VTI1A: variants seen among roughly 807,000 people sequenced by gnomAD.
VTI1A encodes the protein vesicle transport through interaction with t-SNAREs 1A, also known as vesicle transport through interaction with t-SNAREs homolog 1A.
Under a neutral mutation model 34.9 loss-of-function variants are expected in VTI1A, and 22 were observed. That is an observed-to-expected ratio of 0.63 (90% CI 0.45 to 0.90). The LOEUF (loss-of-function observed/expected upper bound fraction) is 0.90, where lower values mean the gene tolerates loss of function less well. Among genes scored for constraint, VTI1A ranks in the 40% least tolerant of loss-of-function variants. The pLI, the probability that VTI1A is intolerant of heterozygous loss-of-function variation, is 0.00. For missense variants in VTI1A, 268 were observed against 275.6 expected, an observed-to-expected ratio of 0.97 and a Z score of 0.20; for synonymous variants, 87 against 97.3, an observed-to-expected ratio of 0.89 and a Z score of 0.62.
chr10:112,632,007 A>ATAATTG (rs1182209397), intron 5 of VTI1A, among the ~76,000 whole-genome samples: 6 of 152,242 alleles, frequency 3.9e-5, no homozygotes, highest in Admixed American at 2.0e-4. Flanking sequence ...TTATAACAAT[A>ATAATTG]TAATTGTAAT....
rs143886504 is a variant in VTI1A at position 112,767,779 on chromosome 10, T to C, written c.561-47511T>C. Among the ~76,000 whole-genome samples the C allele has an allele frequency of 6.6e-6, 1 of 152,264 alleles. No homozygotes were observed. The highest frequency in any genetic ancestry group is 2.4e-5 in the African/African-American group (1 of 41,554). On this transcript the variant is annotated intron_variant, in intron 7 of 7. Transcript: ENST00000393077. This position sits in a 1 kb window ranked among gnomAD's most constrained non-coding sequence, Gnocchi z 4.0. ...ATTGTTTGAAGACCAATGGGACATG[T>C]AACTAACTTATTTTAAACACAAACT...
chr10:112,471,880 A>G (rs1015903371), intron 3 of VTI1A, among the ~76,000 whole-genome samples: 1 of 152,186 alleles, frequency 6.6e-6, no homozygotes, highest in African/African-American at 2.4e-5. Flanking sequence ...AAATTTTAAA[A>G]CCCTAAATTT....
intron 7 of VTI1A, among the ~76,000 whole-genome samples, chr10:112,704,046 G>T (rs1404154626): frequency 6.6e-6 from 1 of 152,014 alleles, no homozygotes; most frequent in Non-Finnish European, 1.5e-5. Context: ...CTTTTAATTT[G>T]TTATATCCCA....
At chr10:112,805,904 G>A (rs971167183) in intron 7 of VTI1A, among the ~76,000 whole-genome samples, 8 of 152,184 alleles carry the variant, frequency 5.3e-5, no homozygotes, top group South Asian at 4.1e-4. Context: ...TGTTGAAGCC[G>A]CCCAGTCTGT....
intron 5 of VTI1A, among the ~76,000 whole-genome samples, chr10:112,654,649 C>A (rs991776798): frequency 6.6e-5 from 10 of 152,120 alleles, no homozygotes; most frequent in African/African-American, 2.4e-4. Context: ...CCCACCACCA[C>A]ACCCGGCTAA....
intron 7 of VTI1A, among the ~76,000 whole-genome samples, chr10:112,798,197 T>C (rs941824): frequency 1 from 152,249 of 152,300 alleles, 76,099 homozygotes; most frequent in Middle Eastern, 1. Flanking sequence ...CAGGGGGCTC[T>C]GCTGCTCCAG....
chr10:112,561,879 A>G (rs1419883586), intron 5 of VTI1A, among the ~76,000 whole-genome samples: 2 of 152,178 alleles, frequency 1.3e-5, no homozygotes, highest in Non-Finnish European at 2.9e-5. Flanking sequence ...GTTTTTTATA[A>G]ATAAAGAAAT....
intron 7 of VTI1A, among the ~76,000 whole-genome samples, chr10:112,765,454 C>T (rs1291465106): frequency 6.6e-6 from 1 of 152,208 alleles, no homozygotes. Flanking sequence ...AAGTGATCTG[C>T]CCACCTCGGC....
At chr10:112,520,432 A>G (rs1349076310) in intron 3 of VTI1A, among the ~76,000 whole-genome samples, 1 of 152,054 alleles carries the variant, frequency 6.6e-6, no homozygotes, top group African/African-American at 2.4e-5. Context: ...TACAGGCTAA[A>G]GTTTAGAAAT....
At chr10:112,690,385 T>TGA (rs1250778798) in intron 7 of VTI1A, among the ~76,000 whole-genome samples, 1 of 152,240 alleles carries the variant, frequency 6.6e-6, no homozygotes, top group Non-Finnish European at 1.5e-5. Context: ...TAAACATGGA[T>TGA]GAGAGTTCCG....
rs1186149071 is a variant in VTI1A, at chr10:112,545,091, C to G, written c.427+6761C>G. 2.6e-5 allele frequency among the ~76,000 whole-genome samples: 4 copies of G among 152,300 alleles called. No individual in the cohort carries two copies. In the East Asian group the frequency reaches 5.8e-4, roughly 22 times the overall value. On this transcript the variant is annotated intron_variant, in intron 5 of 7. Coordinates refer to ENST00000393077, the MANE Select transcript of VTI1A (RefSeq NM_145206.4). ...TATTATAGTAATCCAAGATTTGGTC[C>G]TTTTACCAACTGAAATTGCCAACAG... is the stretch of plus-strand genomic sequence containing the variant.
At chr10:112,529,497 A>G (rs531965232) in intron 4 of VTI1A, among the ~76,000 whole-genome samples, 2 of 152,294 alleles carry the variant, frequency 1.3e-5, no homozygotes, top group East Asian at 3.9e-4. Context: ...ATTTGGCTCT[A>G]TACTAATCTT....
At chr10:112,489,473 C>T (rs1848750949) in intron 3 of VTI1A, among the ~76,000 whole-genome samples, 1 of 152,060 alleles carries the variant, frequency 6.6e-6, no homozygotes, top group African/African-American at 2.4e-5. Flanking sequence ...CAGAACTGCT[C>T]TTTGGGGAAA....
chr10:112,576,181 C>T (rs1015236671), intron 5 of VTI1A, among the ~76,000 whole-genome samples: 3 of 152,026 alleles, frequency 2.0e-5, no homozygotes, highest in South Asian at 2.1e-4. Flanking sequence ...CCACCGCGCC[C>T]GGCTAATTTT....
intron 5 of VTI1A, among the ~76,000 whole-genome samples, chr10:112,654,518 CGAGTCT>C (rs1847155403): frequency 6.6e-6 from 1 of 151,716 alleles, no homozygotes; most frequent in African/African-American, 2.4e-5. Flanking sequence ...TTTTTGAGAC[CGAGTCT>C]AACTGTCACC....
chr10:112,757,685 C>T (rs2134002637), intron 7 of VTI1A, among the ~76,000 whole-genome samples: 1 of 152,222 alleles, frequency 6.6e-6, no homozygotes, highest in South Asian at 2.1e-4. Flanking sequence ...TGCGCCTGAC[C>T]TGTTGCTTTG....
At chr10:112,616,862 A>G (rs1164661672) in intron 5 of VTI1A, among the ~76,000 whole-genome samples, 1 of 152,206 alleles carries the variant, frequency 6.6e-6, no homozygotes, top group Admixed American at 6.5e-5. Flanking sequence ...TGCAGAATGC[A>G]ACAGAGAGAG....
At chr10:112,600,375 C>T (rs990687253) in intron 5 of VTI1A, among the ~76,000 whole-genome samples, 2 of 152,190 alleles carry the variant, frequency 1.3e-5, no homozygotes, top group African/African-American at 4.8e-5. Flanking sequence ...TCGTCTTTAA[C>T]GTGGTCCACA....
intron 7 of VTI1A, among the ~76,000 whole-genome samples, chr10:112,809,555 T>C (rs1339343393): frequency 6.6e-6 from 1 of 152,206 alleles, no homozygotes; most frequent in African/African-American, 2.4e-5. Context: ...ACTCTCCAGC[T>C]AATGAACACA....
Sources: allele counts gnomAD v4.1 joint callset (sites outside exome capture counted in the v4.1 genomes callset), GRCh38; gene constraint gnomAD v4.1.1; non-coding constraint Gnocchi (gnomAD v3.1); transcripts MANE v1.5; gene names NCBI Gene and HGNC (gene_info 2026-07-23, HGNC 2026-07-21).